TMC1: variants seen among roughly 807,000 people sequenced by gnomAD.
The protein encoded by TMC1 is transmembrane channel-like protein 1.
A neutral mutation model predicts 105.8 loss-of-function variants in TMC1; 84 were observed. That is an observed-to-expected ratio of 0.79 (90% CI 0.67 to 0.95). TMC1 has a LOEUF of 0.95. Ranked by LOEUF, TMC1 falls within the 40% of genes least tolerant of loss-of-function variation. The pLI is 0.00. For missense variants in TMC1, 817 were observed against 914.1 expected (o/e 0.89, Z 1.37); for synonymous variants, 315 against 311.5 (o/e 1.01, Z -0.12).
intron 10 of TMC1, among the ~76,000 whole-genome samples, chr9:72,746,996 G>A (rs1031734672): frequency 6.6e-6 from 1 of 152,108 alleles, no homozygotes; most frequent in Non-Finnish European, 1.5e-5. Flanking sequence ...CCATTGTGAT[G>A]CCAACATTAT....
At chr9:72,771,054 A>G (rs1827916917) in intron 12 of TMC1, among the ~76,000 whole-genome samples, 1 of 152,186 alleles carries the variant, frequency 6.6e-6, no homozygotes, top group Non-Finnish European at 1.5e-5. Context: ...AAGTTGGCAC[A>G]TACAATTAAA....
At chr9:72,682,326 A>G (rs1826301904) in intron 5 of TMC1, among the ~76,000 whole-genome samples, 2 of 152,314 alleles carry the variant, frequency 1.3e-5, no homozygotes, top group South Asian at 4.1e-4. Flanking sequence ...ATCCCCAGAT[A>G]CTTTGATGAT....
chr9:72,657,412 C>G (rs1473764559), intron 5 of TMC1, among the ~76,000 whole-genome samples: 1 of 152,164 alleles, frequency 6.6e-6, no homozygotes, highest in Non-Finnish European at 1.5e-5. Flanking sequence ...AAATGCATTC[C>G]TAGTTACTGC....
Position 72,789,118 on chromosome 9 carries a change from T to C in TMC1, c.1030-5T>C. 1 of 1,612,196 alleles carries C rather than the reference T, an allele frequency of 6.2e-7. No individual in the cohort carries two copies. The highest frequency in any genetic ancestry group is 8.5e-7 in the Non-Finnish European group (1 of 1,179,802). On this transcript the variant is annotated splice_polypyrimidine_tract_variant and splice_region_variant and intron_variant, in intron 14 of 23. Transcript: ENST00000297784. The stretch of plus-strand genomic sequence containing the variant: ...TTGTTTGTTTGTTTGTTTTCATGGA[T>C]ACAGGAAGCTATCACAGAAGAAAAA...
In TMC1 at chr9:72,822,556, GTGTGTT is replaced by G. The variant is rs1828893021; in HGVS notation, c.2003+1477_2003+1482del. ...TGTGTGTGTGTGTGTGTGTGTGTGT[GTGTGTT>G]TCCAAGTGGGCTGAAATAAATAATG... On this transcript the variant is annotated intron_variant, in intron 20 of 23. Coordinates refer to ENST00000297784, the MANE Select transcript of TMC1 (RefSeq NM_138691.3). Among the ~76,000 whole-genome samples, 6 of 150,152 alleles carry G rather than the reference GTGTGTT, an allele frequency of 4.0e-5. No homozygotes were observed. The South Asian group carries it at 1.3e-3, about 32-fold the overall frequency.
intron 8 of TMC1, among the ~76,000 whole-genome samples, chr9:72,725,327 A>ATG (rs1469967093): frequency 9.6e-5 from 8 of 83,150 alleles, no homozygotes; most frequent in Admixed American, 2.2e-4. Context: ...GTGTGTATGT[A>ATG]TATATATATA....
chr9:72,773,759 A>G (rs943553549), intron 13 of TMC1, among the ~76,000 whole-genome samples: 2 of 152,182 alleles, frequency 1.3e-5, no homozygotes, highest in Non-Finnish European at 2.9e-5. Flanking sequence ...TCAGTGGAGA[A>G]GAATAGTTTC....
intron 10 of TMC1, among the ~76,000 whole-genome samples, chr9:72,749,659 G>A (rs1288367783): frequency 1.3e-5 from 2 of 152,076 alleles, no homozygotes; most frequent in Non-Finnish European, 2.9e-5. Flanking sequence ...CCTCGGCAAT[G>A]TGAAATCAAT....
chr9:72,799,219 T>C (rs994515403), intron 17 of TMC1, among the ~76,000 whole-genome samples: 6 of 152,132 alleles, frequency 3.9e-5, no homozygotes, highest in Non-Finnish European at 8.8e-5. Context: ...CAGATTATCA[T>C]TGAGAACAGC....
At chr9:72,703,325 C>T (rs1370154811) in intron 8 of TMC1, among the ~76,000 whole-genome samples, 1 of 152,048 alleles carries the variant, frequency 6.6e-6, no homozygotes. Flanking sequence ...TGGGGTCTTA[C>T]TATGTCGCCC....
Position 72,700,580 on chromosome 9 carries a change from G to A in TMC1, c.299G>A (p.Arg100Lys). The change falls in exon 8 of 24, where the codon AGA becomes AAA. Residue 100 changes from arginine to lysine, a missense_variant. Physicochemically the swap from Arg to Lys is conservative, Grantham distance 26. Coordinates refer to ENST00000297784, the MANE Select transcript of TMC1 (RefSeq NM_138691.3). ...ERLKAELDEK[R>K]QIIATVKCKP... ...TTGAAGGCAGAGTTAGATGAGAAAA[G>A]ACAAATAATTGCTACTGTCAAATGC... 3 of 1,609,134 alleles carry A rather than the reference G, an allele frequency of 1.9e-6. No homozygotes were observed. The highest frequency in any genetic ancestry group is 2.5e-6 in the Non-Finnish European group (3 of 1,176,982).
intron 5 of TMC1, among the ~76,000 whole-genome samples, chr9:72,678,710 A>G (rs1012021517): frequency 4.6e-5 from 7 of 152,076 alleles, no homozygotes; most frequent in Non-Finnish European, 8.8e-5. Flanking sequence ...TCATAAAGTC[A>G]TTAGTTTCAC....
At chr9:72,730,064 T>A (rs1588053646) in intron 8 of TMC1, among the ~76,000 whole-genome samples, 1 of 152,160 alleles carries the variant, frequency 6.6e-6, no homozygotes, top group Non-Finnish European at 1.5e-5. Flanking sequence ...ATAGATAAAA[T>A]ATATATATTT....
chr9:72,521,988 C>G (rs1425644559), intron 1 of TMC1, 75 bp downstream of exon 1: 1 of 152,080 alleles, frequency 6.6e-6, no homozygotes, highest in African/African-American at 2.4e-5. Flanking sequence ...AGACCTAAAT[C>G]GAAGACTTTC....
chr9:72,549,634 G>A (rs1210358069), intron 1 of TMC1, among the ~76,000 whole-genome samples: 1 of 137,992 alleles, frequency 7.2e-6, no homozygotes, highest in African/African-American at 2.7e-5. Flanking sequence ...TTTTTGAGAC[G>A]AAGTCTCACT....
intron 5 of TMC1, among the ~76,000 whole-genome samples, chr9:72,681,792 C>T (rs1227664621): frequency 6.6e-6 from 1 of 152,034 alleles, no homozygotes; most frequent in East Asian, 1.9e-4. Flanking sequence ...TTCTGTTTGC[C>T]TCAGAGTTAG....
At chr9:72,630,847 A>G (rs2132135335) in intron 4 of TMC1, among the ~76,000 whole-genome samples, 1 of 150,738 alleles carries the variant, frequency 6.6e-6, no homozygotes, top group Middle Eastern at 3.4e-3. Context: ...TTTTCTTTCT[A>G]TTTTTATACA....
At chr9:72,746,755 C>T (rs1194327558) in intron 10 of TMC1, among the ~76,000 whole-genome samples, 1 of 152,172 alleles carries the variant, frequency 6.6e-6, no homozygotes, top group Non-Finnish European at 1.5e-5. Context: ...CCTGATGACT[C>T]CCAACTCTGT....
chr9:72,571,440 C>A (rs1395775742), intron 1 of TMC1, among the ~76,000 whole-genome samples: 1 of 134,316 alleles, frequency 7.4e-6, no homozygotes, highest in South Asian at 2.3e-4. Context: ...ATCAACCTCA[C>A]GCTTTTTTTT....
Sources: allele counts gnomAD v4.1 joint callset (sites outside exome capture counted in the v4.1 genomes callset), GRCh38; gene constraint gnomAD v4.1.1; transcripts MANE v1.5; gene names NCBI Gene and HGNC (gene_info 2026-07-23, HGNC 2026-07-21).